The following STX8 variants were observed in gnomAD, a reference collection of about 807,000 sequenced individuals.
STX8 encodes the protein syntaxin-8.
Under a neutral mutation model 37.5 loss-of-function variants are expected in STX8, and 23 were observed. The observed-to-expected ratio is 0.61, with a 90% CI of 0.44 to 0.87. The LOEUF is 0.87. Among genes scored for constraint, STX8 ranks in the 40% least tolerant of loss-of-function variants. The pLI is 0.00. For missense variants in STX8, 313 were observed against 284.7 expected, an observed-to-expected ratio of 1.10 and a Z score of -0.71; for synonymous variants, 115 against 99.1, an observed-to-expected ratio of 1.16 and a Z score of -0.95.
intron 5 of STX8, among the ~76,000 whole-genome samples, chr17:9,494,684 T>C (rs1158061981): frequency 7.0e-6 from 1 of 142,784 alleles, no homozygotes; most frequent in African/African-American, 2.6e-5. Flanking sequence ...GTTTTAAAAA[T>C]GAAAATGTAT....
Position 9,447,274 on chromosome 17 carries a change from A to G in STX8, c.541+44555T>C, listed in dbSNP as rs1904882578. On this transcript the variant is annotated intron_variant, in intron 6 of 7. Transcript: ENST00000306357. Reference sequence around the variant, plus strand: ...TACCCTTTAGCTATTACTATGACAAAACTTCAGAGTTCAACATTTTAAATT... The same window carrying G: ...TACCCTTTAGCTATTACTATGACAAGACTTCAGAGTTCAACATTTTAAATT... Among the ~76,000 whole-genome samples, 3 of 152,218 alleles carry G rather than the reference A, an allele frequency of 2.0e-5. No individual in the cohort carries two copies. In the South Asian group the frequency reaches 6.2e-4, roughly 31 times the overall value.
At chr17:9,325,433 GC>G (rs1201043899) in intron 7 of STX8, among the ~76,000 whole-genome samples, 1 of 152,144 alleles carries the variant, frequency 6.6e-6, no homozygotes, top group Non-Finnish European at 1.5e-5. Flanking sequence ...TGGACTTGTG[GC>G]CCTGTTAAGG....
chr17:9,445,501 T>TGGTGGGGGGGGGGGTTGGGGG (rs1904808103), intron 6 of STX8, among the ~76,000 whole-genome samples: 1 of 1,430 alleles, frequency 7.0e-4, no homozygotes, highest in African/African-American at 2.4e-3. Flanking sequence ...GAGGGGGGGA[T>TGGTGGGGGGGGGGGTTGGGGG]GGTGGGGGAG....
chr17:9,487,685 C>T (rs1324163712), intron 6 of STX8, among the ~76,000 whole-genome samples: 1 of 151,968 alleles, frequency 6.6e-6, no homozygotes, highest in Non-Finnish European at 1.5e-5. Flanking sequence ...TATATGTACA[C>T]ATGTAGCCAC....
intron 7 of STX8, among the ~76,000 whole-genome samples, chr17:9,276,629 T>A (rs1396834964): frequency 8.7e-6 from 1 of 115,466 alleles, no homozygotes; most frequent in Non-Finnish European, 1.9e-5. Flanking sequence ...TATTTGTTTG[T>A]TTTTTTTTTT....
Position 9,319,025 on chromosome 17 carries a change from C to T in STX8, c.643+59527G>A, listed in dbSNP as rs112680696. On this transcript the variant is annotated intron_variant, in intron 7 of 7. Transcript: ENST00000306357. The stretch of plus-strand genomic sequence containing the variant: ...GAGTAAATGACAAACTAGCAAACAA[C>T]CAAAGAAATAAATGAATAAATACAT... 5.6e-3 allele frequency among the ~76,000 whole-genome samples: 853 copies of T among 152,150 alleles called. 8 individuals carry two copies. Among genetic ancestry groups the T allele is most frequent in the Middle Eastern group, 0.01 (3 of 294 alleles).
chr17:9,355,821 T>C (rs1451589833), intron 7 of STX8, among the ~76,000 whole-genome samples: 2 of 152,160 alleles, frequency 1.3e-5, no homozygotes, highest in Admixed American at 6.5e-5. Context: ...TAGCTAATTT[T>C]TAAAAACTTT....
At chr17:9,480,001 G>C (rs1353470889) in intron 6 of STX8, among the ~76,000 whole-genome samples, 1 of 152,130 alleles carries the variant, frequency 6.6e-6, no homozygotes, top group Non-Finnish European at 1.5e-5. Flanking sequence ...TTTCATACAG[G>C]TAACTGCTGT....
rs969473919 is a variant in STX8, at chr17:9,385,005, A to T, written c.542-6352T>A. Among the ~76,000 whole-genome samples, 17 of 150,574 alleles carry T rather than the reference A, an allele frequency of 1.1e-4. 1 individual carries two copies. Among genetic ancestry groups the T allele is most frequent in the Non-Finnish European group, 2.2e-4 (15 of 68,004 alleles). On this transcript the variant is annotated intron_variant, in intron 6 of 7. Transcript: ENST00000306357. Reference sequence around the variant, plus strand: ...TTAACTGTAAAACCTAGAACTGTAAAGCTTCTAAAAGAAAAAAAAAAAAGA... The same window carrying T: ...TTAACTGTAAAACCTAGAACTGTAATGCTTCTAAAAGAAAAAAAAAAAAGA...
chr17:9,414,134 C>T (rs1913094020), intron 6 of STX8, among the ~76,000 whole-genome samples: 1 of 9,916 alleles, frequency 1.0e-4, no homozygotes, highest in African/African-American at 3.5e-4. Flanking sequence ...ATCCAACCAT[C>T]CATCCATCCA....
At chr17:9,443,401 C>T (rs991390230) in intron 6 of STX8, among the ~76,000 whole-genome samples, 5 of 152,150 alleles carry the variant, frequency 3.3e-5, no homozygotes, top group East Asian at 3.9e-4. Context: ...ACACACAGTC[C>T]GCATCCCCAA....
At chr17:9,300,973 C>T (rs1348858513) in intron 7 of STX8, among the ~76,000 whole-genome samples, 2 of 151,482 alleles carry the variant, frequency 1.3e-5, no homozygotes, top group African/African-American at 2.4e-5. Flanking sequence ...GCTGGGACTA[C>T]AGGAGCCTGC....
At chr17:9,506,981 G>T (rs1448492663) in intron 4 of STX8, among the ~76,000 whole-genome samples, 1 of 151,958 alleles carries the variant, frequency 6.6e-6, no homozygotes, top group Non-Finnish European at 1.5e-5. Flanking sequence ...CTCGGGAATG[G>T]CTGTGACTCT....
chr17:9,289,293 A>C (rs1242320613), intron 7 of STX8, among the ~76,000 whole-genome samples: 7 of 152,204 alleles, frequency 4.6e-5, no homozygotes, highest in African/African-American at 7.2e-5. Context: ...TAAGGGGGTA[A>C]ATCAAGCAAG....
chr17:9,304,525 A>AAAAAAAAAAAAAAAAAAAAAAAG (rs1908899536), intron 7 of STX8, among the ~76,000 whole-genome samples: 1 of 147,060 alleles, frequency 6.8e-6, no homozygotes, highest in Non-Finnish European at 1.5e-5. Context: ...AAAAAAAAAA[A>AAAAAAAAAAAAAAAAAAAAAAAG]AAAAGAAAAA....
At chr17:9,419,421 C>T (rs891735947) in intron 6 of STX8, among the ~76,000 whole-genome samples, 6 of 152,070 alleles carry the variant, frequency 3.9e-5, no homozygotes, top group African/African-American at 1.4e-4. Flanking sequence ...TTATAAGAGG[C>T]CAATTAAAAT....
chr17:9,379,817 A>C (rs957128507), intron 6 of STX8, among the ~76,000 whole-genome samples: 1 of 151,994 alleles, frequency 6.6e-6, no homozygotes, highest in Non-Finnish European at 1.5e-5. Context: ...AAAAATACAA[A>C]ATTAATCGGT....
rs549718817 is a variant in STX8 at position 9,412,266 on chromosome 17, C to G, written c.542-33613G>C. Among the ~76,000 whole-genome samples the G allele has an allele frequency of 1.6e-3, 239 of 151,930 alleles. 1 individual carries two copies. The highest frequency in any genetic ancestry group is 2.6e-3 in the Non-Finnish European group (175 of 67,984). On this transcript the variant is annotated intron_variant, in intron 6 of 7. Coordinates refer to ENST00000306357, the MANE Select transcript of STX8 (RefSeq NM_004853.3). Reference sequence around the variant, plus strand: ...AATCAACACTTAAAGTGACTTGTAACTAATCACAGCAGCAATTTTTTTTTT... The same window carrying G: ...AATCAACACTTAAAGTGACTTGTAAGTAATCACAGCAGCAATTTTTTTTTT...
chr17:9,476,441 CTTCTT>C (rs1427899807), intron 6 of STX8, among the ~76,000 whole-genome samples: 11 of 151,508 alleles, frequency 7.3e-5, no homozygotes, highest in African/African-American at 2.7e-4. Flanking sequence ...GAAGTTGTTT[CTTCTT>C]TTCTTTTTTT....
Sources: gnomAD v4.1 joint callset for allele counts (sites outside exome capture counted in the v4.1 genomes callset) on GRCh38, gnomAD v4.1.1 for gene constraint, MANE v1.5 for transcripts, NCBI Gene and HGNC (gene_info 2026-07-23, HGNC 2026-07-21) for gene names.